Variants in PIGK observed in about 807,000 individuals in gnomAD.
PIGK encodes the protein phosphatidylinositol glycan anchor biosynthesis class K.
PIGK carries 42 observed loss-of-function variants against 50.6 expected under a neutral mutation model. The ratio of observed to expected loss-of-function variants is 0.83; its 90% CI spans 0.65 to 1.07. The LOEUF is 1.07. Ranked by LOEUF, PIGK falls within the 50% of genes least tolerant of loss-of-function variation. The pLI, the probability that PIGK is intolerant of heterozygous loss-of-function variation, is 0.00. For missense variants in PIGK, 448 were observed against 488.7 expected (o/e 0.92, Z 0.78); for synonymous variants, 151 against 156.0 (o/e 0.97, Z 0.24).
chr1:77,104,874 T>C (rs1489119179), intron 10 of PIGK, among the ~76,000 whole-genome samples: 1 of 152,138 alleles, frequency 6.6e-6, no homozygotes, highest in Non-Finnish European at 1.5e-5. Flanking sequence ...GAGTGGGTGT[T>C]ACAGTGTTCT....
At chr1:77,117,998 A>C (rs1654017059) in intron 10 of PIGK, among the ~76,000 whole-genome samples, 1 of 152,174 alleles carries the variant, frequency 6.6e-6, no homozygotes, top group Non-Finnish European at 1.5e-5. Context: ...TATTTGCTTG[A>C]AGTTAAAAAA....
chr1:77,159,800 C>T (rs2100554628), intron 8 of PIGK, among the ~76,000 whole-genome samples: 1 of 152,304 alleles, frequency 6.6e-6, no homozygotes, highest in Admixed American at 6.5e-5. Flanking sequence ...TAGGAAGTAA[C>T]TAACTTGCTT....
intron 10 of PIGK, among the ~76,000 whole-genome samples, chr1:77,109,274 C>T (rs910328903): frequency 5.9e-5 from 9 of 152,202 alleles, no homozygotes; most frequent in African/African-American, 1.9e-4. Context: ...CCAGCATCAT[C>T]CTGATACCAA....
chr1:77,169,910 G>A (rs149348795), intron 3 of PIGK, among the ~76,000 whole-genome samples: 2,441 of 152,208 alleles, frequency 0.016, 53 homozygotes, highest in Admixed American at 0.055. Flanking sequence ...ACATGCAACT[G>A]ATCAGCAAGT....
chr1:77,149,161 G>C (rs1232632357), intron 9 of PIGK, among the ~76,000 whole-genome samples: 1 of 151,552 alleles, frequency 6.6e-6, no homozygotes, highest in Non-Finnish European at 1.5e-5. Flanking sequence ...AATCGCAAAG[G>C]AAAATAGAAA....
At chr1:77,189,701 AT>A (rs1655840237) in intron 3 of PIGK, among the ~76,000 whole-genome samples, 2 of 12,166 alleles carry the variant, frequency 1.6e-4, no homozygotes, top group Non-Finnish European at 4.5e-4. Context: ...ACTCATATAT[AT>A]ATATATATAT....
chr1:77,196,990 G>T (rs1656052737), intron 3 of PIGK, among the ~76,000 whole-genome samples: 1 of 151,976 alleles, frequency 6.6e-6, no homozygotes, highest in African/African-American at 2.4e-5. Context: ...GTTAATTTTT[G>T]TATATGCCTT....
At chr1:77,219,106 TTTGA>T in intron 1 of PIGK, among the ~76,000 whole-genome samples, 200 bp downstream of exon 1, 1 of 152,134 alleles carries the variant, frequency 6.6e-6, no homozygotes, top group East Asian at 1.9e-4. Context: ...TCTCCGAGGG[TTTGA>T]TTATTTCAAT....
In PIGK at chr1:77,206,656, G is replaced by A. The variant is rs1167958843; in HGVS notation, c.223C>T (p.Leu75=). Residue 75 remains leucine (L), a synonymous_variant, in exon 3 of 11, where the codon CTA becomes TTA. Transcript: ENST00000370812. ...TLSVYRSVKR[L]GIPDSHIVLM... is the part of the protein sequence containing the mutation. ...GCTTCTTACCTGTCAGGAATACCTA[G>A]CCTCTTGACACTTCTATAAACAGAA... 7.5e-6 allele frequency: 12 copies of A among 1,600,416 alleles called. No individual in the cohort carries two copies. The highest frequency in any genetic ancestry group is 3.3e-5 in the Admixed American group (2 of 59,884).
intron 9 of PIGK, chr1:77,153,863 T>C (rs78986800): frequency 0.011 from 1,713 of 152,328 alleles, 11 homozygotes; most frequent in Non-Finnish European, 0.016. Context: ...TAACAACATA[T>C]GCCATTATAT....
intron 1 of PIGK, among the ~76,000 whole-genome samples, chr1:77,216,678 C>T (rs1245481477): frequency 6.6e-6 from 1 of 151,742 alleles, no homozygotes; most frequent in Non-Finnish European, 1.5e-5. Flanking sequence ...AACTCAACAG[C>T]TGCCTGGATG....
At chr1:77,189,570 G>A (rs1237362717) in intron 3 of PIGK, among the ~76,000 whole-genome samples, 1 of 151,806 alleles carries the variant, frequency 6.6e-6, no homozygotes, top group African/African-American at 2.4e-5. Flanking sequence ...CATGTTGGAT[G>A]CTTTCTGCCC....
chr1:77,212,057 A>G (rs1358900059), intron 1 of PIGK, among the ~76,000 whole-genome samples: 1 of 152,126 alleles, frequency 6.6e-6, no homozygotes, highest in African/African-American at 2.4e-5. Context: ...GATTGAGCAC[A>G]TCCTCTAGCA....
At chr1:77,211,424 T>C (rs1350933442) in intron 1 of PIGK, among the ~76,000 whole-genome samples, 1 of 152,012 alleles carries the variant, frequency 6.6e-6, no homozygotes, top group Non-Finnish European at 1.5e-5. Flanking sequence ...CAAAATCTCC[T>C]TTTAGGTTGT....
chr1:77,106,822 T>C (rs2100515452), intron 10 of PIGK, among the ~76,000 whole-genome samples: 1 of 152,256 alleles, frequency 6.6e-6, no homozygotes, highest in South Asian at 2.1e-4. Flanking sequence ...TCTCTAGCAA[T>C]GTTACAGATT....
intron 8 of PIGK, among the ~76,000 whole-genome samples, chr1:77,157,891 T>C (rs886875094): frequency 2.6e-5 from 4 of 152,224 alleles, no homozygotes; most frequent in Non-Finnish European, 2.9e-5. Context: ...CCCCTGCACA[T>C]GCTCTCTTGA....
At chr1:77,128,271 A>AG (rs1654274611) in intron 9 of PIGK, among the ~76,000 whole-genome samples, 1 of 152,200 alleles carries the variant, frequency 6.6e-6, no homozygotes, top group Non-Finnish European at 1.5e-5. Context: ...ATGGTAAGCC[A>AG]GGGAAAAAAG....
At chr1:77,159,613 G>A (rs1023693707) in intron 8 of PIGK, among the ~76,000 whole-genome samples, 17 of 152,202 alleles carry the variant, frequency 1.1e-4, no homozygotes, top group South Asian at 6.2e-4. Flanking sequence ...GGGAGCCCAC[G>A]TCTTTCATAT....
chr1:77,186,258 A>C (rs7541431), intron 3 of PIGK, among the ~76,000 whole-genome samples: 17,211 of 152,248 alleles, frequency 0.11, 1,327 homozygotes, highest in African/African-American at 0.21. Context: ...ATGGTTCTGC[A>C]CAATATGTGG....
Sources: allele counts gnomAD v4.1 joint callset (sites outside exome capture counted in the v4.1 genomes callset), GRCh38; gene constraint gnomAD v4.1.1; transcripts MANE v1.5; gene names NCBI Gene and HGNC (gene_info 2026-07-23, HGNC 2026-07-21).